The following THSD4 variants were observed in gnomAD, a reference collection of about 807,000 sequenced individuals.
The protein encoded by THSD4 is thrombospondin type 1 domain containing 4, also known as thrombospondin type-1 domain-containing protein 4.
Under a neutral mutation model 119.0 loss-of-function variants are expected in THSD4, and 69 were observed. The ratio of observed to expected loss-of-function variants is 0.58; its 90% CI spans 0.48 to 0.71. The LOEUF is 0.71. Ranked by LOEUF, THSD4 falls within the 30% of genes least tolerant of loss-of-function variation. The pLI is 0.00. For missense variants in THSD4, 1,393 were observed against 1,391.1 expected, an observed-to-expected ratio of 1.00 and a Z score of -0.02; for synonymous variants, 524 against 540.4, an observed-to-expected ratio of 0.97 and a Z score of 0.42.
chr15:71,549,380 G>A (rs74735158), intron 7 of THSD4, among the ~76,000 whole-genome samples: 20,953 of 152,004 alleles, frequency 0.14, 1,469 homozygotes, highest in Middle Eastern at 0.2. Flanking sequence ...GTGTGAGTGC[G>A]TGTGTGTTTC....
At chr15:71,475,143 A>G (rs2047638656) in intron 7 of THSD4, among the ~76,000 whole-genome samples, 1 of 152,138 alleles carries the variant, frequency 6.6e-6, no homozygotes, top group Non-Finnish European at 1.5e-5. Flanking sequence ...CTATAACTTT[A>G]CTAATAATCC....
intron 7 of THSD4, among the ~76,000 whole-genome samples, chr15:71,596,680 C>T (rs975373066): frequency 6.6e-6 from 1 of 152,188 alleles, no homozygotes; most frequent in Non-Finnish European, 1.5e-5. Context: ...TCTTTAGGCT[C>T]AATTGGGCCA....
chr15:71,391,093 A>G (rs904119298), intron 6 of THSD4, among the ~76,000 whole-genome samples: 5 of 150,208 alleles, frequency 3.3e-5, no homozygotes, highest in African/African-American at 4.9e-5. Flanking sequence ...CAGTGGCACA[A>G]TCTCGGCTCA....
At chr15:71,497,240 C>T (rs72733204) in intron 7 of THSD4, among the ~76,000 whole-genome samples, 17,973 of 152,204 alleles carry the variant, frequency 0.12, 1,343 homozygotes, top group Middle Eastern at 0.28. Flanking sequence ...TGGCCGGGCA[C>T]GGTGGCTTAT....
At chr15:71,108,217 TTC>T (rs1446348954) in intron 1 of THSD4, among the ~76,000 whole-genome samples, 1 of 152,194 alleles carries the variant, frequency 6.6e-6, no homozygotes, top group Non-Finnish European at 1.5e-5. Flanking sequence ...GAAGAAATGC[TTC>T]TCAGGCCTCA....
At chr15:71,716,104 C>T (rs1173558057) in intron 8 of THSD4, among the ~76,000 whole-genome samples, 2 of 152,184 alleles carry the variant, frequency 1.3e-5, no homozygotes, top group Non-Finnish European at 2.9e-5. Context: ...CCGTGACCCT[C>T]TATCAGCTTC....
rs116417360 is a variant in THSD4 at position 71,551,663 on chromosome 15, G to A, written c.1153-108867G>A. Among the ~76,000 whole-genome samples the A allele has an allele frequency of 5.6e-3, 855 of 152,044 alleles. 9 individuals are homozygous for A. The highest frequency in any genetic ancestry group is 0.019 in the African/African-American group (782 of 41,492). ...AAGCTCCCGAGGTTTTTTTTTCCCA[G>A]GGAAGGCACGCAGGACCCACTTACT... On this transcript the variant is annotated intron_variant, in intron 7 of 17. Coordinates refer to ENST00000261862, the MANE Select transcript of THSD4 (RefSeq NM_024817.3).
intron 6 of THSD4, among the ~76,000 whole-genome samples, chr15:71,315,873 A>G (rs2045180289): frequency 6.6e-6 from 1 of 152,232 alleles, no homozygotes; most frequent in South Asian, 2.1e-4. Flanking sequence ...CAACACAAAA[A>G]AAATTGTCCT....
chr15:71,379,446 G>GCTT (rs1249661896), intron 6 of THSD4, among the ~76,000 whole-genome samples: 1 of 126,254 alleles, frequency 7.9e-6, no homozygotes, highest in Non-Finnish European at 1.7e-5. Flanking sequence ...GAAGCAAATG[G>GCTT]CTTCTTTTTT....
chr15:71,651,138 G>C (rs986153652), intron 7 of THSD4, among the ~76,000 whole-genome samples: 3 of 152,182 alleles, frequency 2.0e-5, no homozygotes, highest in Non-Finnish European at 4.4e-5. Flanking sequence ...TCTGCCTCAA[G>C]AACACTAGTA....
chr15:71,429,995 A>G (rs1249191396), intron 7 of THSD4, among the ~76,000 whole-genome samples: 1 of 152,168 alleles, frequency 6.6e-6, no homozygotes, highest in Non-Finnish European at 1.5e-5. Context: ...AGTTTCTTTT[A>G]GAGTCATGGG....
intron 7 of THSD4, among the ~76,000 whole-genome samples, chr15:71,467,492 C>T (rs1004925305): frequency 6.6e-6 from 1 of 152,144 alleles, no homozygotes; most frequent in South Asian, 2.1e-4. Flanking sequence ...CTGGGGGAAT[C>T]TCAGCAAGCA....
chr15:71,630,061 G>C (rs1253370880), intron 7 of THSD4, among the ~76,000 whole-genome samples: 1 of 152,160 alleles, frequency 6.6e-6, no homozygotes, highest in Non-Finnish European at 1.5e-5. Flanking sequence ...TCAAACTTAT[G>C]TCTTTGTAAG....
intron 7 of THSD4, among the ~76,000 whole-genome samples, chr15:71,566,482 C>T (rs574568144): frequency 6.6e-6 from 1 of 152,108 alleles, no homozygotes; most frequent in South Asian, 2.1e-4. Context: ...TGGGGGTAGA[C>T]AGATAACTAG....
intron 7 of THSD4, among the ~76,000 whole-genome samples, chr15:71,656,299 G>T (rs912556589): frequency 6.6e-6 from 1 of 152,074 alleles, no homozygotes; most frequent in African/African-American, 2.4e-5. Flanking sequence ...ATTATCGTTA[G>T]GGAAAGCTGG....
intron 16 of THSD4, chr15:71,767,504 A>C (rs938184224): frequency 6.6e-6 from 1 of 152,224 alleles, no homozygotes; most frequent in East Asian, 1.9e-4. Flanking sequence ...ATGTGTGAGA[A>C]GGTAAATGAG....
rs141802811 is a variant in THSD4, at chr15:71,469,554, C to T, written c.1152+57731C>T. Among the ~76,000 whole-genome samples, 1,001 of 152,274 alleles carry T rather than the reference C, an allele frequency of 6.6e-3. 23 individuals are homozygous for T. The highest frequency in any genetic ancestry group is 5.0e-3 in the Admixed American group (77 of 15,300). ...GCCAACCAACTTCTTCTGAGAGCCC[C>T]CTTCCGGCGAAGTGAGGCACAGGTG... On this transcript the variant is annotated intron_variant, in intron 7 of 17. Transcript: ENST00000261862.
Position 71,418,933 on chromosome 15 carries a change from A to C in THSD4, c.1152+7110A>C, listed in dbSNP as rs1392347022. On this transcript the variant is annotated intron_variant, in intron 7 of 17. Coordinates refer to ENST00000261862, the MANE Select transcript of THSD4 (RefSeq NM_024817.3). ...ATGTATCTAGGAATGTTATTCATTT[A>C]TTCTACATTTTCCGGTTTATTGACA... 2.8e-5 allele frequency among the ~76,000 whole-genome samples: 3 copies of C among 107,904 alleles called. 1 individual carries two copies. The highest frequency in any genetic ancestry group is 9.4e-5 in the African/African-American group (3 of 31,844). 70.8% of individuals were successfully genotyped at this position (107,904 alleles called of 152,430 possible). A position where few individuals can be genotyped will look rare whatever the true frequency, so the allele number is the denominator to read the frequency against.
intron 14 of THSD4, among the ~76,000 whole-genome samples, chr15:71,756,734 C>T (rs564974267): frequency 3.9e-5 from 6 of 152,280 alleles, no homozygotes; most frequent in African/African-American, 1.2e-4. Context: ...GCTGAGATCA[C>T]GCCACCTGGG....
Sources: gnomAD v4.1 joint callset for allele counts (sites outside exome capture counted in the v4.1 genomes callset) on GRCh38, gnomAD v4.1.1 for gene constraint, MANE v1.5 for transcripts, NCBI Gene and HGNC (gene_info 2026-07-23, HGNC 2026-07-21) for gene names.